The following LRRK1 variants were observed in gnomAD, a reference collection of about 807,000 sequenced individuals.
LRRK1 encodes leucine rich repeat kinase 1, also known as leucine-rich repeat serine/threonine-protein kinase 1.
Under a neutral mutation model 209.1 loss-of-function variants are expected in LRRK1, and 113 were observed. The ratio of observed to expected loss-of-function variants is 0.54; its 90% CI spans 0.46 to 0.63. The LOEUF is 0.63. Among genes scored for constraint, LRRK1 ranks in the 30% least tolerant of loss-of-function variants. The pLI, the probability that LRRK1 is intolerant of heterozygous loss-of-function variation, is 0.00. For synonymous variants in LRRK1, 1,144 were observed against 1,099.7 expected, an observed-to-expected ratio of 1.04 and a Z score of -0.80; for missense variants, 2,284 against 2,632.2, an observed-to-expected ratio of 0.87 and a Z score of 2.89.
Position 101,065,670 on chromosome 15 carries a change from G to A in LRRK1, c.5233G>A (p.Gly1745Ser), listed in dbSNP as rs756702653. The A allele has an allele frequency of 3.7e-6, 6 of 1,613,996 alleles. No individual in the cohort carries two copies. Among genetic ancestry groups the A allele is most frequent in the African/African-American group, 2.7e-5 (2 of 74,904 alleles). Residue 1745 changes from glycine (G) to serine (S), a missense_variant, in exon 32 of 34, where the codon GGC (glycine) becomes AGC (serine). By Grantham distance (56) the Gly-to-Ser change is moderately conservative (BLOSUM62 0). Transcript: ENST00000388948. ...TACGTCAGTCGTGTGCAGCTCTGAG[G>A]GCAGAGGGGAGGAGGTCGTCTGGTG... ...MVTSVVCSSE[G>S]RGEEVVWCLD...
In LRRK1 at chr15:101,055,018, A is replaced by G. The variant is rs368406955; in HGVS notation, c.4127A>G (p.Tyr1376Cys). 78 of 1,614,044 alleles carry G rather than the reference A, an allele frequency of 4.8e-5. No individual in the cohort carries two copies. Among genetic ancestry groups the G allele is most frequent in the Non-Finnish European group, 6.1e-5 (72 of 1,180,030 alleles). Residue 1376 changes from tyrosine (Y) to cysteine (C), a missense_variant, in exon 27 of 34, where the codon TAC (tyrosine) becomes TGC (cysteine). Coordinates refer to ENST00000388948, the MANE Select transcript of LRRK1 (RefSeq NM_024652.6). ...IAYQIASGLA[Y>C]LHKKNIIFCD... ...TACCAGATCGCCTCGGGCCTGGCCT[A>G]CCTGCACAAGAAAAACATCATCTTC...
intron 20 of LRRK1, among the ~76,000 whole-genome samples, chr15:101,045,085 G>GTGTC (rs1297936500): frequency 1.3e-5 from 2 of 152,246 alleles, no homozygotes; most frequent in African/African-American, 4.8e-5. Flanking sequence ...GTATACCCAT[G>GTGTC]TGTCAGAGCG....
intron 1 of LRRK1, among the ~76,000 whole-genome samples, chr15:100,921,252 C>G (rs932458923): frequency 3.9e-5 from 6 of 152,218 alleles, no homozygotes; most frequent in Non-Finnish European, 7.3e-5. Flanking sequence ...ACAACCCTAA[C>G]TTACCTGTGG....
intron 6 of LRRK1, among the ~76,000 whole-genome samples, chr15:101,008,203 C>T (rs976485011): frequency 6.8e-6 from 1 of 148,018 alleles, no homozygotes; most frequent in African/African-American, 2.5e-5. Context: ...AAGAGACTGG[C>T]TTCCCGGGCT....
intron 2 of LRRK1, among the ~76,000 whole-genome samples, chr15:100,946,673 G>A (rs72765026): frequency 0.068 from 10,309 of 152,218 alleles, 467 homozygotes; most frequent in Non-Finnish European, 0.1. Flanking sequence ...AACGCTAGAT[G>A]TCTTAAGCAT....
intron 2 of LRRK1, among the ~76,000 whole-genome samples, chr15:100,952,651 C>G (rs911007686): frequency 4.6e-5 from 7 of 152,138 alleles, no homozygotes; most frequent in African/African-American, 1.7e-4. Flanking sequence ...CCACTCTTTC[C>G]TCTGATGGAG....
rs528174312 is a variant in LRRK1, at chr15:101,024,114, C to T, written c.2068-689C>T. ...ACAATCCTGTGAAGGCTGAGCCCGC[C>T]GCTCTCTCTGTGGCCGGCCTCAGCC... On this transcript the variant is annotated intron_variant, in intron 15 of 33. Transcript: ENST00000388948. The surrounding 1 kb of genome is among the most constrained non-coding windows in gnomAD (Gnocchi z 4.6). Among the ~76,000 whole-genome samples, 5 of 152,322 alleles carry T rather than the reference C, an allele frequency of 3.3e-5. No individual in the cohort carries two copies. In the East Asian group the frequency reaches 7.7e-4, roughly 24 times the overall value.
In LRRK1 at chr15:100,924,538, G is replaced by A; in HGVS notation, c.-95G>A. ...CAAGAAAGCTTTCTGCTCAGCCATG[G>A]CTACGAGTCCACGCCTTAATGCACC... is the stretch of plus-strand genomic sequence containing the variant. On this transcript the variant is annotated 5_prime_UTR_variant, in exon 2 of 34. Coordinates refer to ENST00000388948, the MANE Select transcript of LRRK1 (RefSeq NM_024652.6). 1 of 1,022,150 alleles carries A rather than the reference G, an allele frequency of 9.8e-7. No homozygotes were observed. Among genetic ancestry groups the A allele is most frequent in the Non-Finnish European group, 1.5e-6 (1 of 659,380 alleles). The allele number at this position is 1,022,150 out of a possible 1,614,324, so 63.3% of individuals were successfully genotyped here.
rs776206718 is a variant in LRRK1, at chr15:101,025,976, A to C, written c.2244A>C (p.Pro748=). 5 of 1,614,084 alleles carry C rather than the reference A, an allele frequency of 3.1e-6. No homozygotes were observed. The East Asian group carries it at 8.9e-5, about 29-fold the overall frequency. ...FWLLNIEAKA[P]NAVVLVVGTH... The stretch of plus-strand genomic sequence containing the variant: ...GTTCTCTGTTGCAGGCCAAGGCCCC[A>C]AACGCCGTGGTGCTGGTGGTCGGGA... Residue 748 remains proline, a synonymous_variant, in exon 17 of 34, where the codon CCA becomes CCC. Transcript: ENST00000388948.
At chr15:100,997,973 G>A (rs551690016) in intron 6 of LRRK1, among the ~76,000 whole-genome samples, 3 of 152,132 alleles carry the variant, frequency 2.0e-5, no homozygotes, top group Admixed American at 2.0e-4. Flanking sequence ...GAGGTTAGGA[G>A]TTCGAGACCA....
chr15:101,013,287 G>C (rs570707069), intron 10 of LRRK1, among the ~76,000 whole-genome samples: 2 of 152,326 alleles, frequency 1.3e-5, no homozygotes, highest in East Asian at 3.9e-4. Context: ...AACAAGGAAG[G>C]AGACAAAAGC....
In LRRK1 at chr15:101,049,665, C is replaced by T. The variant is rs2035288760; in HGVS notation, c.3321C>T (p.Asn1107=). ...GYLSVESSDV[N]WKKKKSGGMK... ...GCAGTGTGGAATCTTCCGACGTGAA[C>T]TGGAAAAAGAAGAAAAGCGGAGGAA... The change falls in exon 23 of 34, where the codon AAC becomes AAT. Residue 1107 remains asparagine, a synonymous_variant. Coordinates refer to ENST00000388948, the MANE Select transcript of LRRK1 (RefSeq NM_024652.6). 1 of 1,613,968 alleles carries T rather than the reference C, an allele frequency of 6.2e-7. No individual in the cohort carries two copies. Among genetic ancestry groups the T allele is most frequent in the Non-Finnish European group, 8.5e-7 (1 of 1,179,944 alleles).
chr15:100,967,456 T>G (rs924611658), intron 2 of LRRK1, among the ~76,000 whole-genome samples: 4 of 151,540 alleles, frequency 2.6e-5, no homozygotes, highest in Admixed American at 6.6e-5. Flanking sequence ...TGGCTTAGCG[T>G]GAGTTGTAAA....
chr15:101,004,894 G>A (rs549141899), intron 6 of LRRK1, among the ~76,000 whole-genome samples: 1 of 152,318 alleles, frequency 6.6e-6, no homozygotes, highest in South Asian at 2.1e-4. Context: ...TTGATTACTT[G>A]CTGTTGTTTT....
chr15:101,065,257 T>G (rs1347872633), intron 31 of LRRK1, 95 bp from the exon 32 acceptor site: 1 of 1,459,566 alleles, frequency 6.9e-7, no homozygotes, highest in African/African-American at 1.4e-5. Flanking sequence ...ACTGCCCGCC[T>G]GGTGTGGGTG....
At chr15:101,025,499 C>T (rs1269878680) in intron 16 of LRRK1, among the ~76,000 whole-genome samples, 1 of 152,224 alleles carries the variant, frequency 6.6e-6, no homozygotes, top group Non-Finnish European at 1.5e-5. Flanking sequence ...TCATTTGGCT[C>T]ACAATTCCGC....
intron 26 of LRRK1, among the ~76,000 whole-genome samples, chr15:101,053,661 C>G (rs1167287327): frequency 6.6e-6 from 1 of 152,200 alleles, no homozygotes; most frequent in Non-Finnish European, 1.5e-5. Context: ...CAGGCTCTGC[C>G]GCGGTCCGGA....
chr15:100,970,842 T>G (rs1012051501), intron 2 of LRRK1, among the ~76,000 whole-genome samples: 6 of 152,232 alleles, frequency 3.9e-5, no homozygotes, highest in African/African-American at 1.4e-4. Context: ...TATTTAGGTC[T>G]TGTTCAATTT....
At chr15:100,924,840 G>GTCCA (rs2042081616) in intron 2 of LRRK1, 111 bp downstream of exon 2, 2 of 711,126 alleles carry the variant, frequency 2.8e-6, no homozygotes, top group South Asian at 3.8e-5. Context: ...GAAATCAAAT[G>GTCCA]TCCATCATTT....
Sources: allele counts gnomAD v4.1 joint callset (sites outside exome capture counted in the v4.1 genomes callset), GRCh38; gene constraint gnomAD v4.1.1; non-coding constraint Gnocchi (gnomAD v3.1); transcripts MANE v1.5; gene names NCBI Gene and HGNC (gene_info 2026-07-23, HGNC 2026-07-21).